The following COX4I1 variants were observed in gnomAD, a reference collection of about 807,000 sequenced individuals.
The protein encoded by COX4I1 is cytochrome c oxidase subunit 4 isoform 1, mitochondrial.
Under a neutral mutation model 21.7 loss-of-function variants are expected in COX4I1, and 18 were observed. The observed-to-expected ratio is 0.83, with a 90% CI of 0.57 to 1.23. The LOEUF (loss-of-function observed/expected upper bound fraction) is 1.23, where lower values mean the gene tolerates loss of function less well. Among genes scored for constraint, COX4I1 ranks in the 50% most tolerant of loss-of-function variants. The pLI, the probability that COX4I1 is intolerant of heterozygous loss-of-function variation, is 0.00. For missense variants in COX4I1, 238 were observed against 220.7 expected, an observed-to-expected ratio of 1.08 and a Z score of -0.50; for synonymous variants, 100 against 81.5, an observed-to-expected ratio of 1.23 and a Z score of -1.23.
chr16:85,806,625 T>G lies in COX4I1; in HGVS notation c.374-113T>G, dbSNP rs879182673. On this transcript the variant is annotated intron_variant, in intron 4 of 4. Coordinates refer to ENST00000253452, the MANE Select transcript of COX4I1 (RefSeq NM_001861.6). ...GTTTGAGCGGGTGTTGAGTGGCAGG[T>G]GGCTCTGCTGACCTGGTGGCTGGTG... is the stretch of plus-strand genomic sequence containing the variant. The G allele has an allele frequency of 1.0e-3, 1,483 of 1,489,222 alleles. 6 individuals are homozygous for G. Among genetic ancestry groups the G allele is most frequent in the East Asian group, 6.2e-3 (262 of 42,304 alleles). The allele number at this position is 1,489,222 out of a possible 1,614,324, so 92.3% of individuals were successfully genotyped here. A position where few individuals can be genotyped will look rare whatever the true frequency, so the allele number is the denominator to read the frequency against.
Position 85,805,742 on chromosome 16 carries a change from T to G in COX4I1, c.251T>G (p.Ile84Ser). ...SMDEKVELYR[I>S]KFKESFAEMN... ...TCCTCTCTGCCCCCAGTGTATCGCATTAAGTTCAAGGAGAGCTTTGCTGAG... is the reference window on the plus strand; with the variant it reads ...TCCTCTCTGCCCCCAGTGTATCGCAGTAAGTTCAAGGAGAGCTTTGCTGAG... Residue 84 changes from isoleucine (I) to serine (S), a missense_variant, in exon 4 of 5, where the codon ATT (isoleucine) becomes AGT (serine). By Grantham distance (142) the Ile-to-Ser change is moderately radical. Transcript: ENST00000253452. 8.1e-6 allele frequency: 13 copies of G among 1,614,244 alleles called. No individual in the cohort carries two copies. Among genetic ancestry groups the G allele is most frequent in the Non-Finnish European group, 1.1e-5 (13 of 1,180,038 alleles).
At chr16:85,802,515 G>GTT (rs1357090264) in intron 2 of COX4I1, among the ~76,000 whole-genome samples, 1 of 149,878 alleles carries the variant, frequency 6.7e-6, no homozygotes, top group African/African-American at 2.5e-5. Context: ...TATAACTTAC[G>GTT]TAAGTCATAC....
At chr16:85,806,573 A>T in intron 4 of COX4I1, 165 bp from the exon 5 acceptor site, 1 of 946,180 alleles carries the variant, frequency 1.1e-6, no homozygotes, top group Non-Finnish European at 1.7e-6. Flanking sequence ...TTAAAATGTC[A>T]GTGTTGTCAG....
intron 2 of COX4I1, among the ~76,000 whole-genome samples, chr16:85,802,760 T>G (rs1452186140): frequency 6.6e-6 from 1 of 152,230 alleles, no homozygotes; most frequent in Non-Finnish European, 1.5e-5. Context: ...AAAGAAATGT[T>G]TGGTATATTA....
chr16:85,805,030 C>T lies in COX4I1; in HGVS notation c.167C>T (p.Ser56Phe), dbSNP rs1906073225. 6.2e-7 allele frequency: 1 copy of T among 1,614,208 alleles called. No individual in the cohort carries two copies. Among genetic ancestry groups the T allele is most frequent in the Non-Finnish European group, 8.5e-7 (1 of 1,180,040 alleles). ...LPEVAHVKHL[S>F]ASQKALKEKE... Reference sequence around the variant, plus strand: ...GAGGTGGCCCATGTCAAGCACCTGTCTGCCAGCCAGAAGGCATTGAAGGAG... The same window carrying T: ...GAGGTGGCCCATGTCAAGCACCTGTTTGCCAGCCAGAAGGCATTGAAGGAG... Residue 56 changes from serine (S) to phenylalanine (F), a missense_variant, in exon 3 of 5, where the codon TCT (serine) becomes TTT (phenylalanine). Coordinates refer to ENST00000253452, the MANE Select transcript of COX4I1 (RefSeq NM_001861.6).
intron 1 of COX4I1, among the ~76,000 whole-genome samples, chr16:85,800,299 A>C (rs1905600021): frequency 6.6e-6 from 1 of 152,174 alleles, no homozygotes; most frequent in Non-Finnish European, 1.5e-5. Context: ...CAGTCCTCCG[A>C]AGGGTCGATT....
At chr16:85,805,153 T>C in intron 3 of COX4I1, 49 bp downstream of exon 3, 3 of 1,559,508 alleles carry the variant, frequency 1.9e-6, no homozygotes, top group Non-Finnish European at 2.6e-6. Context: ...CTCGGAAGCG[T>C]GTGTGTGACA....
At position 85,806,937 on chromosome 16, in the gene COX4I1, A is replaced by T; in HGVS notation, c.*63A>T. ...GTCACCGCCATGCAACTCCATGCCTATTTACTGGAAACCTGTTATGCCAAA... is the reference window on the plus strand; with the variant it reads ...GTCACCGCCATGCAACTCCATGCCTTTTTACTGGAAACCTGTTATGCCAAA... On this transcript the variant is annotated 3_prime_UTR_variant, in exon 5 of 5. Coordinates refer to ENST00000253452, the MANE Select transcript of COX4I1 (RefSeq NM_001861.6). 2 of 1,544,794 alleles carry T rather than the reference A, an allele frequency of 1.3e-6. No homozygotes were observed. The highest frequency in any genetic ancestry group is 1.8e-6 in the Non-Finnish European group (2 of 1,138,314).
rs200457742 is a variant in COX4I1 at position 85,806,902 on chromosome 16, G to A, written c.*28G>A. On this transcript the variant is annotated 3_prime_UTR_variant, in exon 5 of 5. Coordinates refer to ENST00000253452, the MANE Select transcript of COX4I1 (RefSeq NM_001861.6). Reference sequence around the variant, plus strand: ...GATGCTGGCCTGCGCCTGCACCTGCGCCTGGCTCTGTCACCGCCATGCAAC... The same window carrying A: ...GATGCTGGCCTGCGCCTGCACCTGCACCTGGCTCTGTCACCGCCATGCAAC... 7 of 1,598,242 alleles carry A rather than the reference G, an allele frequency of 4.4e-6. No homozygotes were observed. The highest frequency in any genetic ancestry group is 2.2e-5 in the East Asian group (1 of 44,724).
chr16:85,805,521 A>G, intron 3 of COX4I1: 1 of 636,832 alleles, frequency 1.6e-6, no homozygotes, highest in South Asian at 2.1e-5. Context: ...AGCGAACTGT[A>G]TGCATTTTCT....
In COX4I1 at chr16:85,805,061, G is replaced by T; in HGVS notation, c.198G>T (p.Glu66Asp). ...GCCAGAAGGCATTGAAGGAGAAGGA[G>T]AAGGCCTCCTGGAGCAGCCTCTCCA... ...SASQKALKEK[E>D]KASWSSLSMD... The change falls in exon 3 of 5, where the codon GAG becomes GAT. Residue 66 changes from glutamate to aspartate, a missense_variant. Transcript: ENST00000253452. The T allele has an allele frequency of 1.9e-6, 3 of 1,614,038 alleles. No homozygotes were observed. Among genetic ancestry groups the T allele is most frequent in the Non-Finnish European group, 2.5e-6 (3 of 1,180,000 alleles).
At chr16:85,803,321 T>C (rs1269367661) in intron 2 of COX4I1, 1 of 152,242 alleles carries the variant, frequency 6.6e-6, no homozygotes, top group Admixed American at 6.5e-5. Flanking sequence ...TTTGTAAGTA[T>C]GCCAGTCATT....
At chr16:85,804,832 G>T in intron 2 of COX4I1, 105 bp from the exon 3 acceptor site, 1 of 992,094 alleles carries the variant, frequency 1.0e-6, no homozygotes, top group Non-Finnish European at 1.5e-6. Context: ...ATGATCCAGG[G>T]TTTCAAGGCG....
At chr16:85,804,246 G>T (rs953678425) in intron 2 of COX4I1, 1 of 152,196 alleles carries the variant, frequency 6.6e-6, no homozygotes, top group African/African-American at 2.4e-5. Context: ...TATTGTTTTT[G>T]TTCTTCCTCA....
intron 3 of COX4I1, chr16:85,805,319 T>G: frequency 1.8e-6 from 1 of 564,970 alleles, no homozygotes. Context: ...TAGGCCCCCT[T>G]CTCTGTGCTG....
chr16:85,806,682 G>A (rs1331257992), intron 4 of COX4I1, 56 bp from the exon 5 acceptor site: 4 of 1,613,614 alleles, frequency 2.5e-6, no homozygotes, highest in East Asian at 2.2e-5. Context: ...GTGAGGGATT[G>A]GCCTAGAAAC....
Position 85,806,800 on chromosome 16 carries a change from C to T in COX4I1, c.436C>T (p.Leu146=). 6.2e-7 allele frequency: 1 copy of T among 1,614,214 alleles called. No individual in the cohort carries two copies. Among genetic ancestry groups the T allele is most frequent in the East Asian group, 2.2e-5 (1 of 44,882 alleles). The change falls in exon 5 of 5, where the codon CTG becomes TTG. Residue 146 remains leucine (L), a synonymous_variant. Coordinates refer to ENST00000253452, the MANE Select transcript of COX4I1 (RefSeq NM_001861.6). The part of the protein sequence containing the change: ...EWVAKQTKRM[L]DMKVNPIQGL... ...GGTGGCCAAGCAGACCAAGAGGATGCTGGACATGAAGGTGAACCCCATCCA... is the reference window on the plus strand; with the variant it reads ...GGTGGCCAAGCAGACCAAGAGGATGTTGGACATGAAGGTGAACCCCATCCA...
intron 2 of COX4I1, chr16:85,804,181 T>C (rs2923564): frequency 0.97 from 148,496 of 152,344 alleles, 72,479 homozygotes; most frequent in Middle Eastern, 1. Flanking sequence ...ACAGTGCTGT[T>C]GTGGTTATCT....
chr16:85,801,294 C>A lies in COX4I1; in HGVS notation c.73+16C>A, dbSNP rs1905736338. 1 of 1,600,368 alleles carries A rather than the reference C, an allele frequency of 6.2e-7. No individual in the cohort carries two copies. The highest frequency in any genetic ancestry group is 8.6e-7 in the Non-Finnish European group (1 of 1,168,510). Reference sequence around the variant, plus strand: ...CGAGCTCATGGTAAGTGTGACTTTTCTTACTTTTAAATAGGCTGAACTAAT... The same window carrying A: ...CGAGCTCATGGTAAGTGTGACTTTTATTACTTTTAAATAGGCTGAACTAAT... On this transcript the variant is annotated intron_variant, in intron 2 of 4. Transcript: ENST00000253452.
Sources: gnomAD v4.1 joint callset for allele counts (sites outside exome capture counted in the v4.1 genomes callset) on GRCh38, gnomAD v4.1.1 for gene constraint, MANE v1.5 for transcripts, NCBI Gene and HGNC (gene_info 2026-07-23, HGNC 2026-07-21) for gene names.